Variants in CHSY3 observed in about 807,000 individuals in gnomAD.
The protein encoded by CHSY3 is chondroitin sulfate synthase 3, also known as N-acetylgalactosaminyl-proteoglycan 3-beta-glucuronosyltransferase 3.
Under a neutral mutation model 67.2 loss-of-function variants are expected in CHSY3, and 35 were observed. The ratio of observed to expected loss-of-function variants is 0.52; its 90% CI spans 0.40 to 0.69. The LOEUF (loss-of-function observed/expected upper bound fraction) is 0.69, where lower values mean the gene tolerates loss of function less well. Among genes scored for constraint, CHSY3 ranks in the 30% least tolerant of loss-of-function variants. CHSY3 has a pLI of 0.00. For synonymous variants in CHSY3, 474 were observed against 434.7 expected (o/e 1.09, Z -1.12); for missense variants, 1,069 against 1,138.5 (o/e 0.94, Z 0.88).
intron 2 of CHSY3, among the ~76,000 whole-genome samples, chr5:130,179,581 T>C (rs1380760153): frequency 6.6e-6 from 1 of 152,130 alleles, no homozygotes; most frequent in East Asian, 1.9e-4. Context: ...CATCTTACTA[T>C]CATATCCCTG....
intron 2 of CHSY3, among the ~76,000 whole-genome samples, chr5:130,069,503 T>A (rs972770625): frequency 6.6e-6 from 1 of 151,888 alleles, no homozygotes; most frequent in Non-Finnish European, 1.5e-5. Context: ...ATATATATAT[T>A]TTTAAAATAA....
intron 2 of CHSY3, among the ~76,000 whole-genome samples, chr5:130,031,797 T>C (rs1764710318): frequency 6.6e-6 from 1 of 152,178 alleles, no homozygotes; most frequent in South Asian, 2.1e-4. Flanking sequence ...TTATGCAAGA[T>C]AGTGTTACAA....
chr5:130,181,973 T>C (rs957320146), intron 2 of CHSY3, among the ~76,000 whole-genome samples: 5 of 133,514 alleles, frequency 3.7e-5, no homozygotes, highest in African/African-American at 1.4e-4. Flanking sequence ...AAAATTATTC[T>C]ATATATATTT....
At chr5:130,023,570 G>T (rs1406750377) in intron 2 of CHSY3, among the ~76,000 whole-genome samples, 3 of 152,044 alleles carry the variant, frequency 2.0e-5, no homozygotes, top group Admixed American at 6.6e-5. Context: ...GAGGAAAAGA[G>T]CCCAACCAAG....
intron 2 of CHSY3, among the ~76,000 whole-genome samples, chr5:130,007,596 A>AC (rs1460550809): frequency 6.6e-6 from 1 of 151,994 alleles, no homozygotes; most frequent in East Asian, 1.9e-4. Context: ...GCAGCAGGAG[A>AC]CCCCATGACC....
At chr5:130,029,349 A>G (rs115026520) in intron 2 of CHSY3, among the ~76,000 whole-genome samples, 3,277 of 152,228 alleles carry the variant, frequency 0.022, 111 homozygotes, top group African/African-American at 0.072. Flanking sequence ...GAACTATGCT[A>G]TCCTCATTCA....
chr5:130,081,140 T>C (rs1580713922), intron 2 of CHSY3, among the ~76,000 whole-genome samples: 1 of 152,130 alleles, frequency 6.6e-6, no homozygotes, highest in South Asian at 2.1e-4. Flanking sequence ...TGTTGACAGA[T>C]TTCGGTCTTT....
intron 2 of CHSY3, among the ~76,000 whole-genome samples, chr5:130,091,581 G>A (rs1281733261): frequency 6.6e-6 from 1 of 152,038 alleles, no homozygotes; most frequent in African/African-American, 2.4e-5. Context: ...ATGAATGGCT[G>A]AAAAAAATCA....
intron 2 of CHSY3, among the ~76,000 whole-genome samples, chr5:130,041,254 A>G (rs983115798): frequency 6.6e-6 from 1 of 152,064 alleles, no homozygotes; most frequent in Non-Finnish European, 1.5e-5. Context: ...CTGCTGTGCA[A>G]TTGGCATCCA....
intron 2 of CHSY3, among the ~76,000 whole-genome samples, chr5:130,086,771 C>T (rs980668083): frequency 2.6e-5 from 4 of 151,978 alleles, no homozygotes; most frequent in South Asian, 4.1e-4. Context: ...GATTCACAGC[C>T]GAATTCTACC....
At chr5:129,936,353 C>T (rs373722718) in intron 2 of CHSY3, among the ~76,000 whole-genome samples, 158 of 151,964 alleles carry the variant, frequency 1.0e-3, no homozygotes, top group African/African-American at 3.1e-3. Context: ...TCACAGAATC[C>T]TCACATAGCC....
At chr5:129,944,748 T>C (rs1188534827) in intron 2 of CHSY3, among the ~76,000 whole-genome samples, 1 of 152,230 alleles carries the variant, frequency 6.6e-6, no homozygotes, top group Non-Finnish European at 1.5e-5. Context: ...TGAGTATAGA[T>C]GAAAATTCCA....
At chr5:130,098,208 C>A (rs1168282730) in intron 2 of CHSY3, among the ~76,000 whole-genome samples, 2 of 152,160 alleles carry the variant, frequency 1.3e-5, no homozygotes, top group Non-Finnish European at 1.5e-5. Context: ...TACCCTCTTC[C>A]CTCCTGCCTT....
At chr5:130,141,085 A>T in intron 2 of CHSY3, 1 of 264,864 alleles carries the variant, frequency 3.8e-6, no homozygotes, top group Non-Finnish European at 7.0e-6. Context: ...AGACTTCTTT[A>T]ATGAAAATGA....
chr5:130,012,668 G>A (rs1764101195), intron 2 of CHSY3, among the ~76,000 whole-genome samples: 1 of 152,128 alleles, frequency 6.6e-6, no homozygotes, highest in South Asian at 2.1e-4. Context: ...AACACCATGG[G>A]GGAACTGCCC....
chr5:130,033,302 G>A (rs897146829), intron 2 of CHSY3, among the ~76,000 whole-genome samples: 41 of 151,824 alleles, frequency 2.7e-4, no homozygotes, highest in Admixed American at 2.3e-3. Context: ...CTTCAACCCC[G>A]GCATATATAC....
chr5:130,096,669 T>C (rs1767058149), intron 2 of CHSY3, among the ~76,000 whole-genome samples: 1 of 152,222 alleles, frequency 6.6e-6, no homozygotes, highest in Non-Finnish European at 1.5e-5. Context: ...TTGGTTCTTT[T>C]CTAAGTATGA....
At chr5:130,019,595 G>C (rs1764308408) in intron 2 of CHSY3, among the ~76,000 whole-genome samples, 1 of 152,128 alleles carries the variant, frequency 6.6e-6, no homozygotes, top group Non-Finnish European at 1.5e-5. Context: ...GCTATGTTTA[G>C]TCTCTCTGGT....
intron 2 of CHSY3, among the ~76,000 whole-genome samples, chr5:129,912,758 A>G (rs1432187053): frequency 6.6e-6 from 1 of 152,184 alleles, no homozygotes; most frequent in East Asian, 1.9e-4. Flanking sequence ...TGTTCAGAAT[A>G]AAGAGGCCTT....
Sources: allele counts gnomAD v4.1 joint callset (sites outside exome capture counted in the v4.1 genomes callset), GRCh38; gene constraint gnomAD v4.1.1; transcripts MANE v1.5; gene names NCBI Gene and HGNC (gene_info 2026-07-23, HGNC 2026-07-21).